Variants in RBFOX3 observed in about 807,000 individuals in gnomAD.
RBFOX3 encodes the protein RNA binding protein fox-1 homolog 3.
In RBFOX3, 17 loss-of-function variants were observed where a neutral mutation model predicts 48.7. The observed-to-expected ratio is 0.35, with a 90% CI of 0.24 to 0.52. The LOEUF (loss-of-function observed/expected upper bound fraction) is 0.52, where lower values mean the gene tolerates loss of function less well. Ranked by LOEUF, RBFOX3 falls within the 20% of genes least tolerant of loss-of-function variation. The pLI, the probability that RBFOX3 is intolerant of heterozygous loss-of-function variation, is 0.94. For missense variants in RBFOX3, 382 were observed against 497.5 expected (o/e 0.77, Z 2.21); for synonymous variants, 212 against 209.5 (o/e 1.01, Z -0.10).
rs1555654346 is a variant in RBFOX3, at chr17:79,299,151, C to G, written c.-74+8573G>C. Among the ~76,000 whole-genome samples the G allele has an allele frequency of 2.0e-5, 3 of 148,066 alleles. No individual in the cohort carries two copies. Among genetic ancestry groups the G allele is most frequent in the African/African-American group, 5.0e-5 (2 of 40,150 alleles). On this transcript the variant is annotated intron_variant, in intron 3 of 14. Transcript: ENST00000693108. The surrounding 1 kb of genome is among the most constrained non-coding windows in gnomAD (Gnocchi z 4.5). ...AGAGGCCAGGTGTGGTATCTCGGTG[C>G]TGGCAAAACAGAGGCCAGAGAGGGT... is the stretch of plus-strand genomic sequence containing the variant.
At chr17:79,550,863 T>C (rs2091078569) in intron 1 of RBFOX3, among the ~76,000 whole-genome samples, 1 of 152,116 alleles carries the variant, frequency 6.6e-6, no homozygotes. Context: ...TGGAAGCAAA[T>C]GGACAGAAAT....
intron 2 of RBFOX3, among the ~76,000 whole-genome samples, chr17:79,387,774 G>A (rs2060761188): frequency 6.6e-6 from 1 of 152,224 alleles, no homozygotes; most frequent in Non-Finnish European, 1.5e-5. Flanking sequence ...CAGGGGGCCT[G>A]GGCACTTGGA....
chr17:79,335,549 C>T (rs1417290563), intron 2 of RBFOX3, among the ~76,000 whole-genome samples: 1 of 152,218 alleles, frequency 6.6e-6, no homozygotes, highest in Non-Finnish European at 1.5e-5. Flanking sequence ...CCTCTCATCT[C>T]TAGGTCCCAG....
At chr17:79,581,340 A>T (rs2093052165) in intron 1 of RBFOX3, among the ~76,000 whole-genome samples, 2 of 152,198 alleles carry the variant, frequency 1.3e-5, no homozygotes, top group African/African-American at 4.8e-5. Context: ...TTTTGCAGAA[A>T]CAAGAAGGAA....
At chr17:79,449,436 T>C (rs917903831) in intron 2 of RBFOX3, among the ~76,000 whole-genome samples, 2 of 152,132 alleles carry the variant, frequency 1.3e-5, no homozygotes, top group East Asian at 3.9e-4. Context: ...CAAAATTTCC[T>C]GGGCTCTCCC....
intron 2 of RBFOX3, among the ~76,000 whole-genome samples, chr17:79,333,383 C>G (rs2080707648): frequency 6.6e-6 from 1 of 152,220 alleles, no homozygotes; most frequent in African/African-American, 2.4e-5. Context: ...TCCAGAGACA[C>G]AGAACTGTTT....
chr17:79,382,594 T>C (rs1435900267), intron 2 of RBFOX3, among the ~76,000 whole-genome samples: 1 of 152,146 alleles, frequency 6.6e-6, no homozygotes, highest in African/African-American at 2.4e-5. Context: ...AGCCAACCCT[T>C]GCGGTCATGG....
chr17:79,228,905 C>A (rs1172806261), intron 4 of RBFOX3, among the ~76,000 whole-genome samples: 1 of 152,120 alleles, frequency 6.6e-6, no homozygotes, highest in African/African-American at 2.4e-5. Flanking sequence ...AGGCAGCTGG[C>A]AACTCTGATA....
chr17:79,382,830 C>T (rs1436321092), intron 2 of RBFOX3, among the ~76,000 whole-genome samples: 1 of 152,214 alleles, frequency 6.6e-6, no homozygotes, highest in Non-Finnish European at 1.5e-5. Flanking sequence ...TGGGTGCTTG[C>T]TGGTGGATGC....
intron 2 of RBFOX3, among the ~76,000 whole-genome samples, chr17:79,350,764 G>A (rs1273874988): frequency 1.3e-5 from 2 of 152,240 alleles, no homozygotes; most frequent in African/African-American, 4.8e-5. Context: ...GGCAGACAGG[G>A]CTCAGGCAGG....
the RBFOX3 span, among the ~76,000 whole-genome samples, chr17:79,622,166 G>T: frequency 6.6e-6 from 1 of 152,132 alleles, no homozygotes; most frequent in South Asian, 2.1e-4. Flanking sequence ...GGCTAACCCA[G>T]TCACCACCCA....
At position 79,242,187 on chromosome 17, in the gene RBFOX3, G is replaced by GTGC. The variant is rs1555624808; in HGVS notation, c.-73-6385_-73-6383dup. 2.0e-5 allele frequency among the ~76,000 whole-genome samples: 3 copies of GTGC among 152,114 alleles called. No homozygotes were observed. The highest frequency in any genetic ancestry group is 2.1e-4 in the South Asian group (1 of 4,828). Reference sequence around the variant, plus strand: ...GACCTTGGGAGCTCTGGTTCCCAGCGTGCTGCTGCTGCTGGTGGAGGGGGT... The same window carrying GTGC: ...GACCTTGGGAGCTCTGGTTCCCAGCGTGCTGCTGCTGCTGCTGGTGGAGGGGGT... On this transcript the variant is annotated intron_variant, in intron 3 of 14. Transcript: ENST00000693108. This position sits in a 1 kb window ranked among gnomAD's most constrained non-coding sequence, Gnocchi z 5.8.
chr17:79,606,560 A>G (rs1015351216), intron 1 of RBFOX3, among the ~76,000 whole-genome samples: 3 of 152,222 alleles, frequency 2.0e-5, no homozygotes, highest in Non-Finnish European at 2.9e-5. Context: ...GCCTCCCTCT[A>G]AGGCGTGTTT....
At chr17:79,300,784 C>A (rs1000618157) in intron 3 of RBFOX3, among the ~76,000 whole-genome samples, 13 of 152,210 alleles carry the variant, frequency 8.5e-5, no homozygotes, top group Admixed American at 7.9e-4. Context: ...TGTGCCTCTG[C>A]ACCAGAGACC....
chr17:79,506,820 T>C (rs2083211944), intron 1 of RBFOX3, among the ~76,000 whole-genome samples: 2 of 152,062 alleles, frequency 1.3e-5, no homozygotes, highest in African/African-American at 2.4e-5. Flanking sequence ...CGGCAGAACA[T>C]GGAATCCTGA....
At chr17:79,376,317 G>T (rs1271131967) in intron 2 of RBFOX3, among the ~76,000 whole-genome samples, 42 of 152,192 alleles carry the variant, frequency 2.8e-4, no homozygotes, top group Admixed American at 2.7e-3. Flanking sequence ...TCCGGTCTCT[G>T]TTCCTGAAGC....
intron 2 of RBFOX3, among the ~76,000 whole-genome samples, chr17:79,440,060 C>T (rs1420576165): frequency 2.0e-5 from 3 of 152,134 alleles, no homozygotes; most frequent in South Asian, 4.1e-4. Flanking sequence ...CCAGAGGGCA[C>T]TTGGGGGGAT....
intron 1 of RBFOX3, among the ~76,000 whole-genome samples, chr17:79,531,304 G>A (rs1440938279): frequency 3.9e-5 from 6 of 152,174 alleles, no homozygotes; most frequent in East Asian, 1.9e-4. Flanking sequence ...ATCTATTGCC[G>A]CCCAGAGGCC....
chr17:79,657,594 G>A, the RBFOX3 span, among the ~76,000 whole-genome samples: 24 of 152,270 alleles, frequency 1.6e-4, 1 homozygote, highest in South Asian at 6.2e-4. Context: ...CAGGAGAATC[G>A]CTTGAATCTG....
Sources: gnomAD v4.1 joint callset for allele counts (sites outside exome capture counted in the v4.1 genomes callset) on GRCh38, gnomAD v4.1.1 for gene constraint, Gnocchi (gnomAD v3.1) non-coding constraint, MANE v1.5 for transcripts, NCBI Gene and HGNC (gene_info 2026-07-23, HGNC 2026-07-21) for gene names.